GOLGA4: variants seen among roughly 807,000 people sequenced by gnomAD.
GOLGA4 encodes golgin A4, also known as golgin subfamily A member 4.
Under a neutral mutation model 265.9 loss-of-function variants are expected in GOLGA4, and 169 were observed. That is an observed-to-expected ratio of 0.64 (90% CI 0.56 to 0.72). GOLGA4 has a LOEUF of 0.72. GOLGA4 is among the 30% of genes least tolerant of loss of function. The pLI is 0.00. For missense variants in GOLGA4, 2,482 were observed against 2,483.4 expected (o/e 1.00, Z 0.01); for synonymous variants, 923 against 855.8 (o/e 1.08, Z -1.37).
chr3:37,295,329 C>T (rs2096875285), intron 6 of GOLGA4, among the ~76,000 whole-genome samples: 1 of 152,158 alleles, frequency 6.6e-6, no homozygotes, highest in African/African-American at 2.4e-5. Flanking sequence ...AGCAATCCTC[C>T]AGCCTCTGCC....
intron 13 of GOLGA4, 60 bp from the exon 14 acceptor site, chr3:37,323,527 GT>G: frequency 1.1e-6 from 1 of 942,940 alleles, no homozygotes; most frequent in African/African-American, 1.6e-5. Flanking sequence ...TCATGTCTGT[GT>G]ATCATTGTTA....
At chr3:37,328,369 C>A in intron 14 of GOLGA4, 47 bp from the exon 15 acceptor site, 1 of 1,590,712 alleles carries the variant, frequency 6.3e-7, no homozygotes, top group South Asian at 1.1e-5. Context: ...CTCCTTGCAG[C>A]TTGTTCTTTG....
chr3:37,257,961 GTATATATACATACA>G, intron 2 of GOLGA4, among the ~76,000 whole-genome samples: 1 of 85,304 alleles, frequency 1.2e-5, no homozygotes, highest in East Asian at 2.9e-4. Flanking sequence ...ATGTATATAT[GTATATATACATACA>G]TATATATATG....
intron 20 of GOLGA4, among the ~76,000 whole-genome samples, chr3:37,343,511 C>T (rs561299907): frequency 6.6e-5 from 10 of 152,286 alleles, no homozygotes; most frequent in South Asian, 2.1e-4. Context: ...CTGCTGCGCG[C>T]GGCCTGGCCA....
intron 2 of GOLGA4, among the ~76,000 whole-genome samples, chr3:37,253,713 G>A (rs886653195): frequency 1.3e-5 from 2 of 151,856 alleles, no homozygotes; most frequent in African/African-American, 2.4e-5. Flanking sequence ...TTTTTAAAAA[G>A]TATTTTAAAA....
At position 37,323,618 on chromosome 3, in the gene GOLGA4, A is replaced by T; in HGVS notation, c.1732A>T (p.Lys578Ter). Reference sequence around the variant, plus strand: ...TCTTGAATTGGAAAGTTCTTTGGAAAAAAGCTTACAAGAAAACAAAAATCA... The same window carrying T: ...TCTTGAATTGGAAAGTTCTTTGGAATAAAGCTTACAAGAAAACAAAAATCA... ...RILELESSLE[K>*]SLQENKNQSK... The change falls in exon 14 of 24, where the codon AAA becomes TAA. Residue 578 changes from lysine (K) to a stop codon, truncating the protein, a stop_gained. Coordinates refer to ENST00000361924, the MANE Select transcript of GOLGA4 (RefSeq NM_002078.5). LOFTEE classifies it high-confidence loss of function. 2 of 1,571,546 alleles carry T rather than the reference A, an allele frequency of 1.3e-6. No homozygotes were observed. Among genetic ancestry groups the T allele is most frequent in the Non-Finnish European group, 1.7e-6 (2 of 1,164,874 alleles).
At position 37,243,343 on chromosome 3, in the gene GOLGA4, C is replaced by A; in HGVS notation, c.-208C>A. The A allele has an allele frequency of 6.9e-6, 4 of 576,802 alleles. No individual in the cohort carries two copies. In the South Asian group the frequency reaches 8.9e-5, roughly 13 times the overall value. The allele number at this position is 576,802 out of a possible 1,614,324, so 35.7% of individuals were successfully genotyped here. A position where few individuals can be genotyped will look rare whatever the true frequency, so the allele number is the denominator to read the frequency against. ...ATGGGGGGCCGAGGCCAGCCAGTGGCACCCGGAAGAAAGAGACGCGGCGGC... is the reference window on the plus strand; with the variant it reads ...ATGGGGGGCCGAGGCCAGCCAGTGGAACCCGGAAGAAAGAGACGCGGCGGC... On this transcript the variant is annotated 5_prime_UTR_variant, in exon 1 of 24. Transcript: ENST00000361924.
At chr3:37,329,345 T>A (rs1578734188) in intron 16 of GOLGA4, 1 of 259,112 alleles carries the variant, frequency 3.9e-6, no homozygotes, top group Non-Finnish European at 7.2e-6. Flanking sequence ...GAAGCAACAG[T>A]AGATACTAAA....
chr3:37,342,540 T>C (rs955706004), intron 20 of GOLGA4, among the ~76,000 whole-genome samples: 1 of 152,194 alleles, frequency 6.6e-6, no homozygotes, highest in Non-Finnish European at 1.5e-5. Context: ...TCAAGCAATA[T>C]TTTGTTTAGA....
At chr3:37,276,280 A>C in intron 2 of GOLGA4, 5 of 1,580,040 alleles carry the variant, frequency 3.2e-6, no homozygotes, top group East Asian at 4.5e-5. Flanking sequence ...GTAGGATATC[A>C]AATCTTAAAG....
intron 7 of GOLGA4, among the ~76,000 whole-genome samples, chr3:37,298,398 T>A (rs984292491): frequency 6.6e-6 from 1 of 152,172 alleles, no homozygotes; most frequent in African/African-American, 2.4e-5. Flanking sequence ...CAAGATCAGA[T>A]GAGCCAATTT....
In GOLGA4 at chr3:37,321,823, A is replaced by G; in HGVS notation, c.1638A>G (p.Ala546=). Residue 546 remains alanine, a synonymous_variant, in exon 13 of 24, where the codon GCA becomes GCG. Coordinates refer to ENST00000361924, the MANE Select transcript of GOLGA4 (RefSeq NM_002078.5). ...ALEELELQKK[A]ILTESENKLR... ...AAGAGTTAGAGTTGCAGAAAAAAGC[A>G]ATCCTCACAGAAAGTGAAAATAAAC... 6.2e-7 allele frequency: 1 copy of G among 1,613,470 alleles called. No homozygotes were observed. Among genetic ancestry groups the G allele is most frequent in the East Asian group, 2.2e-5 (1 of 44,876 alleles).
intron 10 of GOLGA4, among the ~76,000 whole-genome samples, chr3:37,305,607 C>T (rs1188212153): frequency 6.6e-6 from 1 of 152,074 alleles, no homozygotes; most frequent in Non-Finnish European, 1.5e-5. Context: ...TTCAATTGCT[C>T]TATTAAATAT....
At position 37,326,510 on chromosome 3, in the gene GOLGA4, G is replaced by A; in HGVS notation, c.4624G>A (p.Glu1542Lys). The A allele has an allele frequency of 1.2e-6, 2 of 1,606,898 alleles. No homozygotes were observed. Among genetic ancestry groups the A allele is most frequent in the Non-Finnish European group, 1.7e-6 (2 of 1,176,234 alleles). ...DHITQKTIEI[E>K]SLNEVLKNYN... is the part of the protein sequence containing the mutation. Reference sequence around the variant, plus strand: ...TATTACCCAGAAAACTATTGAAATAGAGTCCTTAAATGAAGTTCTTAAAAA... The same window carrying A: ...TATTACCCAGAAAACTATTGAAATAAAGTCCTTAAATGAAGTTCTTAAAAA... The change falls in exon 14 of 24, where the codon GAG becomes AAG. Residue 1542 changes from glutamate (E) to lysine (K), a missense_variant. Transcript: ENST00000361924.
intron 1 of GOLGA4, among the ~76,000 whole-genome samples, chr3:37,251,076 C>T (rs2096732370): frequency 6.6e-6 from 1 of 152,010 alleles, no homozygotes; most frequent in South Asian, 2.1e-4. Context: ...TACCCCTCAC[C>T]TGGCTTCAGT....
intron 20 of GOLGA4, among the ~76,000 whole-genome samples, chr3:37,345,550 T>G (rs911492513): frequency 5.3e-5 from 8 of 152,204 alleles, no homozygotes; most frequent in Non-Finnish European, 1.0e-4. Flanking sequence ...GCCTCTTTAT[T>G]TGAACAATAG....
chr3:37,343,368 G>C (rs1404158403), intron 20 of GOLGA4, among the ~76,000 whole-genome samples: 3 of 152,064 alleles, frequency 2.0e-5, no homozygotes, highest in Non-Finnish European at 2.9e-5. Flanking sequence ...TGATCCGCCT[G>C]CCTCGGCCTC....
At position 37,325,973 on chromosome 3, in the gene GOLGA4, A is replaced by G. The variant is rs2096969420; in HGVS notation, c.4087A>G (p.Lys1363Glu). ...NAVTLMKEEL[K>E]EKKVEISSLS... is the part of the protein sequence containing the mutation. The stretch of plus-strand genomic sequence containing the variant: ...TGTCACATTGATGAAAGAAGAGCTT[A>G]AAGAAAAAAAAGTTGAGATTAGCAG... The change falls in exon 14 of 24, where the codon AAA becomes GAA. Residue 1363 changes from lysine to glutamate, a missense_variant. Transcript: ENST00000361924. 6.2e-7 allele frequency: 1 copy of G among 1,612,320 alleles called. No homozygotes were observed. Among genetic ancestry groups the G allele is most frequent in the African/African-American group, 1.3e-5 (1 of 74,822 alleles).
chr3:37,284,584 A>G (rs1041743408), intron 3 of GOLGA4, among the ~76,000 whole-genome samples: 3 of 151,862 alleles, frequency 2.0e-5, no homozygotes, highest in African/African-American at 4.8e-5. Context: ...GTGTTATGAT[A>G]ATAATAAGGG....
Sources: gnomAD v4.1 joint callset for allele counts (sites outside exome capture counted in the v4.1 genomes callset) on GRCh38, gnomAD v4.1.1 for gene constraint, MANE v1.5 for transcripts, NCBI Gene and HGNC (gene_info 2026-07-23, HGNC 2026-07-21) for gene names.